Variants in ARHGEF10L observed in about 807,000 individuals in gnomAD.
The protein encoded by ARHGEF10L is Rho guanine nucleotide exchange factor 10 like.
ARHGEF10L carries 69 observed loss-of-function variants against 141.2 expected under a neutral mutation model. The observed-to-expected ratio is 0.49, with a 90% CI of 0.40 to 0.60. The LOEUF (loss-of-function observed/expected upper bound fraction) is 0.60. Ranked by LOEUF, ARHGEF10L falls within the 20% of genes least tolerant of loss-of-function variation. The pLI is 0.00. For synonymous variants in ARHGEF10L, 711 were observed against 718.5 expected (o/e 0.99, Z 0.17); for missense variants, 1,482 against 1,734.3 (o/e 0.85, Z 2.58).
the ARHGEF10L span, among the ~76,000 whole-genome samples, chr1:17,514,998 A>G: frequency 6.6e-6 from 1 of 152,176 alleles, no homozygotes; most frequent in Non-Finnish European, 1.5e-5. Flanking sequence ...TTTGCGGAGC[A>G]TGAGCCACTG....
intron 25 of ARHGEF10L, among the ~76,000 whole-genome samples, chr1:17,657,736 C>T (rs1033687325): frequency 7.9e-5 from 12 of 152,162 alleles, no homozygotes; most frequent in African/African-American, 2.9e-4. Flanking sequence ...TCAGACAGAG[C>T]GTGCATGTGA....
the ARHGEF10L span, among the ~76,000 whole-genome samples, chr1:17,528,805 C>T: frequency 2.0e-5 from 3 of 152,138 alleles, no homozygotes; most frequent in South Asian, 2.1e-4. Context: ...CTAGGCTTAA[C>T]GTGTGCTTAT....
chr1:17,650,090 G>A (rs1273258057), intron 22 of ARHGEF10L, among the ~76,000 whole-genome samples: 1 of 152,120 alleles, frequency 6.6e-6, no homozygotes, highest in Non-Finnish European at 1.5e-5. Flanking sequence ...CTTCTGGCTG[G>A]TGTGTGAGAG....
chr1:17,522,324 A>G, the ARHGEF10L span, among the ~76,000 whole-genome samples: 3 of 152,196 alleles, frequency 2.0e-5, no homozygotes, highest in Non-Finnish European at 2.9e-5. Flanking sequence ...AAGCCAGCCA[A>G]CGCCGTCCTG....
At chr1:17,649,786 G>A (rs942572338) in intron 22 of ARHGEF10L, among the ~76,000 whole-genome samples, 23 of 152,168 alleles carry the variant, frequency 1.5e-4, no homozygotes, top group African/African-American at 5.1e-4. Flanking sequence ...TGGAGGAGGT[G>A]GCATTTAAAC....
In ARHGEF10L at chr1:17,619,769, G is replaced by A. The variant is rs1314237439; in HGVS notation, c.942+324G>A. 6.6e-6 allele frequency among the ~76,000 whole-genome samples: 1 copy of A among 152,198 alleles called. No individual in the cohort carries two copies. The highest frequency in any genetic ancestry group is 1.5e-5 in the Non-Finnish European group (1 of 68,042). On this transcript the variant is annotated intron_variant, in intron 10 of 28. Coordinates refer to ENST00000361221, the MANE Select transcript of ARHGEF10L (RefSeq NM_018125.4). The surrounding 1 kb of genome is among the most constrained non-coding windows in gnomAD (Gnocchi z 5.0). ...GACTAAGGTGTCATTTGAAGAATGAGATGGGATCCAGACTCAGGTGAGGCT... is the reference window on the plus strand; with the variant it reads ...GACTAAGGTGTCATTTGAAGAATGAAATGGGATCCAGACTCAGGTGAGGCT...
At chr1:17,560,065 G>A (rs1320098352) in intron 1 of ARHGEF10L, among the ~76,000 whole-genome samples, 6 of 152,170 alleles carry the variant, frequency 3.9e-5, no homozygotes, top group Admixed American at 3.9e-4. Flanking sequence ...CTTCTTGGGG[G>A]ACAGCTAGGC....
rs529026408 is a variant in ARHGEF10L, at chr1:17,639,538, G to T, written c.2172-664G>T. 5.5e-4 allele frequency among the ~76,000 whole-genome samples: 84 copies of T among 152,138 alleles called. 1 individual carries two copies. The highest frequency in any genetic ancestry group is 2.0e-3 in the African/African-American group (82 of 41,526). Reference sequence around the variant, plus strand: ...CTGCCGCCTCCCTGTTGAGTGGCCTGTCCGTCTCCCTTCCTCCATCTCCCT... The same window carrying T: ...CTGCCGCCTCCCTGTTGAGTGGCCTTTCCGTCTCCCTTCCTCCATCTCCCT... On this transcript the variant is annotated intron_variant, in intron 20 of 28. Transcript: ENST00000361221. This position sits in a 1 kb window ranked among gnomAD's most constrained non-coding sequence, Gnocchi z 4.3.
chr1:17,542,150 AG>A lies in ARHGEF10L; in HGVS notation c.-44+2201del, dbSNP rs201398730. The stretch of plus-strand genomic sequence containing the variant: ...TGAGATTCTATCTCAAAAGAAAAAA[AG>A]AAAAGAAAAGAAGAAGATTGAGCAT... On this transcript the variant is annotated intron_variant, in intron 1 of 28. Coordinates refer to ENST00000361221, the MANE Select transcript of ARHGEF10L (RefSeq NM_018125.4). 7.7e-3 allele frequency among the ~76,000 whole-genome samples: 1,166 copies of A among 150,732 alleles called. 20 individuals are homozygous for A. The highest frequency in any genetic ancestry group is 0.027 in the African/African-American group (1,093 of 40,968).
intron 25 of ARHGEF10L, among the ~76,000 whole-genome samples, chr1:17,662,914 C>G (rs1472403033): frequency 6.6e-6 from 1 of 152,136 alleles, no homozygotes; most frequent in Non-Finnish European, 1.5e-5. Context: ...AGGGCTCTGA[C>G]AAGCTCACAG....
chr1:17,634,306 A>T (rs562801039), intron 16 of ARHGEF10L: 5 of 662,292 alleles, frequency 7.5e-6, no homozygotes, highest in Middle Eastern at 3.2e-4. Context: ...TTGACTGAGG[A>T]TCAGTGTCCT....
At chr1:17,555,264 T>TC (rs2077264017) in intron 1 of ARHGEF10L, among the ~76,000 whole-genome samples, 1 of 152,018 alleles carries the variant, frequency 6.6e-6, no homozygotes, top group Admixed American at 6.6e-5. Context: ...CTTTTTTTTT[T>TC]CTCCCAATGA....
At chr1:17,546,630 A>T (rs2076924871) in intron 1 of ARHGEF10L, among the ~76,000 whole-genome samples, 1 of 151,810 alleles carries the variant, frequency 6.6e-6, no homozygotes, top group African/African-American at 2.4e-5. Context: ...TGAGGAGGGG[A>T]GGGAGAGATT....
rs151008811 is a variant in ARHGEF10L, at chr1:17,602,122, C to T, written c.258-5C>T. ...CACCTCTGCAGTGCCATCTCTTGCC[C>T]GCAGGGTGCCAGCCTGGGTGAGCAA... On this transcript the variant is annotated splice_region_variant and splice_polypyrimidine_tract_variant and intron_variant, in intron 4 of 28. Coordinates refer to ENST00000361221, the MANE Select transcript of ARHGEF10L (RefSeq NM_018125.4). 5.3e-5 allele frequency: 83 copies of T among 1,558,778 alleles called. No homozygotes were observed. The East Asian group carries it at 1.4e-3, about 26-fold the overall frequency.
At position 17,656,770 on chromosome 1, in the gene ARHGEF10L, C is replaced by T. The variant is rs2062285770; in HGVS notation, c.2860+62C>T. On this transcript the variant is annotated intron_variant, in intron 25 of 28. Transcript: ENST00000361221. This position sits in a 1 kb window ranked among gnomAD's most constrained non-coding sequence, Gnocchi z 4.9. ...CTGGATGCCAGCTGGGTGCCAGATTCTCTACCAAGAGAGGATACAGGAGGC... is the reference window on the plus strand; with the variant it reads ...CTGGATGCCAGCTGGGTGCCAGATTTTCTACCAAGAGAGGATACAGGAGGC... 2 of 1,558,314 alleles carry T rather than the reference C, an allele frequency of 1.3e-6. No homozygotes were observed. The highest frequency in any genetic ancestry group is 1.4e-5 in the African/African-American group (1 of 73,992).
rs1393183240 is a variant in ARHGEF10L at position 17,623,506 on chromosome 1, G to A, written c.1200+331G>A. Among the ~76,000 whole-genome samples the A allele has an allele frequency of 1.3e-5, 2 of 152,194 alleles. No homozygotes were observed. The highest frequency in any genetic ancestry group is 2.9e-5 in the Non-Finnish European group (2 of 68,038). On this transcript the variant is annotated intron_variant, in intron 12 of 28. Transcript: ENST00000361221. This position sits in a 1 kb window ranked among gnomAD's most constrained non-coding sequence, Gnocchi z 4.7. Reference sequence around the variant, plus strand: ...CAAGCTCTCTTACCGAGCACTTGAGGGGTTTCAAGCCAGTGTGAAATGCTG... The same window carrying A: ...CAAGCTCTCTTACCGAGCACTTGAGAGGTTTCAAGCCAGTGTGAAATGCTG...
At position 17,672,032 on chromosome 1, in the gene ARHGEF10L, C is replaced by T. The variant is rs113795588; in HGVS notation, c.3009+7437C>T. On this transcript the variant is annotated intron_variant, in intron 26 of 28. Coordinates refer to ENST00000361221, the MANE Select transcript of ARHGEF10L (RefSeq NM_018125.4). ...CGGAGCATGAAGGTGCTTCCTGAAG[C>T]GCGTGCGGTCAGCAATCTGCTCTGC... Among the ~76,000 whole-genome samples, 8 of 152,274 alleles carry T rather than the reference C, an allele frequency of 5.3e-5. No homozygotes were observed. In the East Asian group the frequency reaches 1.2e-3, roughly 22 times the overall value.
At chr1:17,598,452 G>T (rs1006059128) in intron 4 of ARHGEF10L, among the ~76,000 whole-genome samples, 23 of 152,160 alleles carry the variant, frequency 1.5e-4, no homozygotes, top group African/African-American at 5.6e-4. Context: ...CAAGATCAGG[G>T]TGCCAGCAGA....
upstream of ARHGEF10L, among the ~76,000 whole-genome samples, chr1:17,537,655 C>A (rs1165212591): frequency 6.6e-6 from 1 of 152,096 alleles, no homozygotes; most frequent in Admixed American, 6.6e-5. Context: ...AGACTTAGTA[C>A]AACCAAAGAA....
Sources: allele counts gnomAD v4.1 joint callset (sites outside exome capture counted in the v4.1 genomes callset), GRCh38; gene constraint gnomAD v4.1.1; non-coding constraint Gnocchi (gnomAD v3.1); transcripts MANE v1.5; gene names NCBI Gene and HGNC (gene_info 2026-07-23, HGNC 2026-07-21).